CD207: variants seen among roughly 807,000 people sequenced by gnomAD.
The protein encoded by CD207 is C-type lectin domain family 4 member K.
Under a neutral mutation model 31.6 loss-of-function variants are expected in CD207, and 28 were observed. The ratio of observed to expected loss-of-function variants is 0.89; its 90% confidence interval spans 0.66 to 1.21. The LOEUF (loss-of-function observed/expected upper bound fraction) is 1.21, where lower values mean the gene tolerates loss of function less well. Among genes scored for constraint, CD207 ranks in the 50% most tolerant of loss-of-function variants. CD207 has a pLI of 0.00. For missense variants in CD207, 388 were observed against 397.8 expected (o/e 0.98, Z 0.21); for synonymous variants, 168 against 153.9 (o/e 1.09, Z -0.68).
intron 4 of CD207, 74 bp from the exon 5 acceptor site, chr2:70,831,893 C>T: frequency 9.0e-6 from 9 of 1,001,700 alleles, no homozygotes; most frequent in Admixed American, 1.7e-5. Context: ...GTGTTCTTCA[C>T]CTGCGCTCAG....
chr2:70,831,523 C>G lies in CD207; in HGVS notation c.836+178G>C, dbSNP rs535091658. Among the ~76,000 whole-genome samples, 9 of 152,316 alleles carry G rather than the reference C, an allele frequency of 5.9e-5. No homozygotes were observed. The South Asian group carries it at 1.7e-3, about 28-fold the overall frequency. The stretch of plus-strand genomic sequence containing the variant: ...CAAACCCCAGAGGGCGTGGAGGGCT[C>G]AGGTCCACAGCCAGTTGGTGACAGG... On this transcript the variant is annotated intron_variant, in intron 5 of 5. Coordinates refer to ENST00000410009, the MANE Select transcript of CD207 (RefSeq NM_015717.5).
At chr2:70,828,091 T>G (rs2104695569), downstream of CD207, among the ~76,000 whole-genome samples, 1 of 152,304 alleles carries the variant, frequency 6.6e-6, no homozygotes, top group South Asian at 2.1e-4. Flanking sequence ...GGCTCCCAAC[T>G]TTTCACCTGA....
At chr2:70,827,459 C>T (rs781895010), downstream of CD207, among the ~76,000 whole-genome samples, 2 of 152,228 alleles carry the variant, frequency 1.3e-5, no homozygotes, top group Non-Finnish European at 2.9e-5. Flanking sequence ...ACGCATTGCC[C>T]TGCTGGGGGC....
Position 70,833,060 on chromosome 2 carries a change from C to T in CD207, c.566-9G>A, listed in dbSNP as rs376428019. The T allele has an allele frequency of 6.2e-7, 1 of 1,613,766 alleles. No individual in the cohort carries two copies. ...CACCTGTAGAATATCATCTAGAGAA[C>T]AAGAGGTAAAAGTGAACGCTGGTAT... is the stretch of plus-strand genomic sequence containing the variant. On this transcript the variant is annotated splice_polypyrimidine_tract_variant and intron_variant, in intron 3 of 5. Transcript: ENST00000410009.
At position 70,835,569 on chromosome 2, in the gene CD207, TC is replaced by T; in HGVS notation, c.111del (p.Thr39HisfsTer8). On this transcript the variant is annotated frameshift_variant, in exon 2 of 6. Coordinates refer to ENST00000410009, the MANE Select transcript of CD207 (RefSeq NM_015717.5). LOFTEE classifies it high-confidence loss of function. ...PPKSGPSLVPGKTPTVRAALI... is the reference protein window; with the variant it reads ...PPKSGPSLVPXKTPTVRAALI... ...AATGCAGCACGGACTGTGGGTGTTT[TC>T]CCCGGGACCAGAGATGGACCGGACT... 1 of 1,613,966 alleles carries T rather than the reference TC, an allele frequency of 6.2e-7. No homozygotes were observed. Among genetic ancestry groups the T allele is most frequent in the Admixed American group, 1.7e-5 (1 of 60,026 alleles).
rs2080390 is a variant in CD207, at chr2:70,831,095, C to A, written c.942G>T (p.Thr314=). The A allele has an allele frequency of 5.6e-6, 9 of 1,613,272 alleles. No homozygotes were observed. The Admixed American group carries it at 1.2e-4, about 21-fold the overall frequency. ...QAWNDAPCDK[T]FLFICKRPYV... is the part of the protein sequence containing the mutation. ...AGGGTCGCTTACAAATGAAAAGAAA[C>A]GTTTTGTCACATGGGGCATCATTCC... Residue 314 remains threonine (T), a synonymous_variant, in exon 6 of 6, where the codon ACG becomes ACT. Coordinates refer to ENST00000410009, the MANE Select transcript of CD207 (RefSeq NM_015717.5).
rs2110980 is a variant in CD207 at position 70,830,761 on chromosome 2, A to G, written c.*289T>C. 271,256 of 280,902 alleles carry G rather than the reference A, an allele frequency of 0.97. 131,182 individuals carry two copies. The highest frequency in any genetic ancestry group is 0.98 in the Non-Finnish European group (147,111 of 149,538). 17.4% of individuals were successfully genotyped at this position (280,902 alleles called of 1,614,324 possible). A position where few individuals can be genotyped will look rare whatever the true frequency, so the allele number is the denominator to read the frequency against. Reference sequence around the variant, plus strand: ...AAAGAGTGGAAAACCCCAGGGTGTTATGCCGGATTACGGGTCTTGATCCTC... The same window carrying G: ...AAAGAGTGGAAAACCCCAGGGTGTTGTGCCGGATTACGGGTCTTGATCCTC... On this transcript the variant is annotated 3_prime_UTR_variant, in exon 6 of 6. Coordinates refer to ENST00000410009, the MANE Select transcript of CD207 (RefSeq NM_015717.5).
chr2:70,824,621 C>CAAAAAAAAAAAAAAAAAAAAAAAA, the CD207 span, among the ~76,000 whole-genome samples: 6 of 38,246 alleles, frequency 1.6e-4, 2 homozygotes, highest in East Asian at 1.8e-3. Flanking sequence ...TGCTTAGTTA[C>CAAAAAAAAAAAAAAAAAAAAAAAA]CAAAAAAAAA....
At chr2:70,828,592 C>T (rs1430507622), downstream of CD207, among the ~76,000 whole-genome samples, 1 of 152,220 alleles carries the variant, frequency 6.6e-6, no homozygotes, top group Non-Finnish European at 1.5e-5. Flanking sequence ...CGGAGCCCTT[C>T]AGGCTGCCCT....
At position 70,835,524 on chromosome 2, in the gene CD207, G is replaced by A; in HGVS notation, c.157C>T (p.Leu53=). Residue 53 remains leucine (L), a synonymous_variant, in exon 2 of 6, where the codon CTG becomes TTG. Coordinates refer to ENST00000410009, the MANE Select transcript of CD207 (RefSeq NM_015717.5). Reference sequence around the variant, plus strand: ...GCCTGCAGCAGGACGGAGGCGACCAGGACCAGCGTCAGGCAGATTAATGCA... The same window carrying A: ...GCCTGCAGCAGGACGGAGGCGACCAAGACCAGCGTCAGGCAGATTAATGCA... ...RAALICLTLV[L]VASVLLQAVL... is the part of the protein sequence containing the mutation. 6.2e-7 allele frequency: 1 copy of A among 1,613,832 alleles called. No homozygotes were observed. Among genetic ancestry groups the A allele is most frequent in the African/African-American group, 1.3e-5 (1 of 75,048 alleles).
intron 3 of CD207, 42 bp downstream of exon 3, chr2:70,833,604 G>A (rs782635669): frequency 1.3e-6 from 2 of 1,538,280 alleles, no homozygotes; most frequent in Admixed American, 1.9e-5. Context: ...AAGATCCCAT[G>A]GGCCACTGGT....
In CD207 at chr2:70,831,807, T is replaced by C; in HGVS notation, c.730A>G (p.Lys244Glu). Residue 244 changes from lysine to glutamate, a missense_variant, in exon 5 of 6, where the codon AAA becomes GAA. Coordinates refer to ENST00000410009, the MANE Select transcript of CD207 (RefSeq NM_015717.5). Reference protein sequence around the residue: ...TSESEQEFLYKTAGGLIYWIG... With the variant: ...TSESEQEFLYETAGGLIYWIG... ...CAGTAGATGAGTCCCCCCGCTGTTTTATACAGAAACTCCTGTAGGAAAGAC... is the reference window on the plus strand; with the variant it reads ...CAGTAGATGAGTCCCCCCGCTGTTTCATACAGAAACTCCTGTAGGAAAGAC... 1 of 1,606,520 alleles carries C rather than the reference T, an allele frequency of 6.2e-7. No individual in the cohort carries two copies. The highest frequency in any genetic ancestry group is 1.3e-5 in the African/African-American group (1 of 74,862).
chr2:70,835,606 C>A lies in CD207; in HGVS notation c.75G>T (p.Glu25Asp). The A allele has an allele frequency of 6.2e-7, 1 of 1,613,524 alleles. No individual in the cohort carries two copies. Among genetic ancestry groups the A allele is most frequent in the South Asian group, 1.1e-5 (1 of 91,048 alleles). The change falls in exon 2 of 6, where the codon GAG becomes GAT. Residue 25 changes from glutamate to aspartate, a missense_variant and splice_region_variant. By Grantham distance (45) the Glu-to-Asp change is conservative. Coordinates refer to ENST00000410009, the MANE Select transcript of CD207 (RefSeq NM_015717.5). ...GAGATGGACCGGACTTGGGAGGAGGCTCTGTTGGAAGAAGAAGAAAATGTG... is the reference window on the plus strand; with the variant it reads ...GAGATGGACCGGACTTGGGAGGAGGATCTGTTGGAAGAAGAAGAAAATGTG... ...DKQNISLWPR[E>D]PPPKSGPSLV...
chr2:70,829,918 C>G (rs1226988076), downstream of CD207, among the ~76,000 whole-genome samples: 1 of 152,146 alleles, frequency 6.6e-6, no homozygotes, highest in Non-Finnish European at 1.5e-5. Context: ...GAGTGGGGAA[C>G]CTGCTGAGAC....
chr2:70,832,765 G>T, intron 4 of CD207, 135 bp downstream of exon 4: 1 of 861,972 alleles, frequency 1.2e-6, no homozygotes. Context: ...TATTCGACAT[G>T]CTACTGAGAA....
Position 70,831,793 on chromosome 2 carries a change from T to C in CD207, c.744A>G (p.Gly248=). 1 of 1,612,194 alleles carries C rather than the reference T, an allele frequency of 6.2e-7. No homozygotes were observed. Among genetic ancestry groups the C allele is most frequent in the Non-Finnish European group, 8.5e-7 (1 of 1,178,412 alleles). Reference sequence around the variant, plus strand: ...TAGTCAGGCCAATCCAGTAGATGAGTCCCCCCGCTGTTTTATACAGAAACT... The same window carrying C: ...TAGTCAGGCCAATCCAGTAGATGAGCCCCCCCGCTGTTTTATACAGAAACT... ...EQEFLYKTAG[G]LIYWIGLTKA... The change falls in exon 5 of 6, where the codon GGA becomes GGG. Residue 248 remains glycine (G), a synonymous_variant. Transcript: ENST00000410009.
At chr2:70,827,344 AAAAG>A (rs543168276), downstream of CD207, among the ~76,000 whole-genome samples, 136 of 152,282 alleles carry the variant, frequency 8.9e-4, no homozygotes, top group African/African-American at 3.1e-3. Flanking sequence ...CCTGAAAAAA[AAAAG>A]AAAGTTGCCT....
Position 70,832,919 on chromosome 2 carries a change from A to T in CD207, c.698T>A (p.Val233Glu), listed in dbSNP as rs1553400094. 1.9e-6 allele frequency: 3 copies of T among 1,613,798 alleles called. No homozygotes were observed. Among genetic ancestry groups the T allele is most frequent in the African/African-American group, 2.7e-5 (2 of 75,062 alleles). The change falls in exon 4 of 6, where the codon GTG becomes GAG. Residue 233 changes from valine to glutamate, a missense_variant. Coordinates refer to ENST00000410009, the MANE Select transcript of CD207 (RefSeq NM_015717.5). ...CVSRNSHLTS[V>E]TSESEQEFLY... ...ACTCACCTGCTCACTCTCTGAGGTCACCGAGGTCAGGTGTGAATTCCTGGA... is the reference window on the plus strand; with the variant it reads ...ACTCACCTGCTCACTCTCTGAGGTCTCCGAGGTCAGGTGTGAATTCCTGGA...
chr2:70,825,362 C>T (rs1441033132), downstream of CD207, among the ~76,000 whole-genome samples: 2 of 152,074 alleles, frequency 1.3e-5, no homozygotes, highest in African/African-American at 2.4e-5. Flanking sequence ...GGAAAACCAA[C>T]GAAATCTGAA....
Sources: allele counts gnomAD v4.1 joint callset (sites outside exome capture counted in the v4.1 genomes callset), GRCh38; gene constraint gnomAD v4.1.1; transcripts MANE v1.5; gene names NCBI Gene and HGNC (gene_info 2026-07-23, HGNC 2026-07-21).